Variants in ACSM2A observed in about 807,000 individuals in gnomAD.
The protein encoded by ACSM2A is acyl-CoA synthetase medium chain family member 2A.
A neutral mutation model predicts 76.6 loss-of-function variants in ACSM2A; 72 were observed. The observed-to-expected ratio is 0.94, with a 90% CI of 0.78 to 1.14. The LOEUF is 1.14. Among genes scored for constraint, ACSM2A ranks in the 50% most tolerant of loss-of-function variants. ACSM2A has a pLI of 0.00. For synonymous variants in ACSM2A, 249 were observed against 255.9 expected, an observed-to-expected ratio of 0.97 and a Z score of 0.26; for missense variants, 684 against 708.5, an observed-to-expected ratio of 0.97 and a Z score of 0.39.
intron 1 of ACSM2A, among the ~76,000 whole-genome samples, chr16:20,457,328 C>T (rs1279124228): frequency 6.6e-6 from 1 of 151,976 alleles, no homozygotes; most frequent in Non-Finnish European, 1.5e-5. Flanking sequence ...GCCAGTATTA[C>T]CCTCATACCC....
intron 6 of ACSM2A, 113 bp from the exon 7 acceptor site, chr16:20,475,249 G>A (rs2013663537): frequency 1.3e-6 from 2 of 1,576,476 alleles, no homozygotes; most frequent in South Asian, 2.3e-5. Flanking sequence ...AACAAGCTAG[G>A]GTTTTCATCC....
At chr16:20,458,330 T>C (rs112058378) in intron 1 of ACSM2A, among the ~76,000 whole-genome samples, 1 of 147,620 alleles carries the variant, frequency 6.8e-6, no homozygotes, top group Non-Finnish European at 1.5e-5. Context: ...TATATATCTA[T>C]ATATACTATA....
chr16:20,455,694 T>C (rs1404476817), intron 1 of ACSM2A, among the ~76,000 whole-genome samples: 1 of 147,986 alleles, frequency 6.8e-6, no homozygotes, highest in Non-Finnish European at 1.5e-5. Flanking sequence ...TAGAACCTTT[T>C]TAAAGCATAA....
In ACSM2A at chr16:20,483,097, T is replaced by A. The variant is rs1443993183; in HGVS notation, c.1549T>A (p.Ser517Thr). 4.3e-6 allele frequency: 7 copies of A among 1,613,916 alleles called. No homozygotes were observed. The South Asian group carries it at 7.7e-5, about 18-fold the overall frequency. The change falls in exon 13 of 14, where the codon TCC becomes ACC. Residue 517 changes from serine to threonine, a missense_variant. Physicochemically the swap from Ser to Thr is moderately conservative, Grantham distance 58. Transcript: ENST00000573854. Reference protein sequence around the residue: ...AFVVLASQFLSHDPEQLTKEL... With the variant: ...AFVVLASQFLTHDPEQLTKEL... ...TGTGGTCCTGGCCTCGCAGTTCCTG[T>A]CCCATGACCCAGAACAGCTCACCAA...
At chr16:20,482,960 A>C in intron 12 of ACSM2A, 98 bp from the exon 13 acceptor site, 1 of 1,543,300 alleles carries the variant, frequency 6.5e-7, no homozygotes, top group South Asian at 1.2e-5. Flanking sequence ...AAATGAGGAG[A>C]TACAAGGGTG....
Position 20,469,622 on chromosome 16 carries a change from G to A in ACSM2A, c.499G>A (p.Val167Met), listed in dbSNP as rs201018160. The change falls in exon 4 of 14, where the codon GTG (valine) becomes ATG (methionine). Residue 167 changes from valine to methionine, a missense_variant. By Grantham distance (21) the Val-to-Met change is conservative (BLOSUM62 1). Around this residue, in one of 3 missense-constraint regions of ACSM2A, gnomAD observed 519 missense variants for 549.5 expected, o/e 0.94. Coordinates refer to ENST00000573854, the MANE Select transcript of ACSM2A (RefSeq NM_001308172.2). ...TGCTGGGGATGAAGTCATCCAAGAAGTGGACACAGTGGCATCTGAATGTCC... is the reference window on the plus strand; with the variant it reads ...TGCTGGGGATGAAGTCATCCAAGAAATGGACACAGTGGCATCTGAATGTCC... The part of the protein sequence containing the change: ...IVAGDEVIQE[V>M]DTVASECPSL... 101 of 1,613,952 alleles carry A rather than the reference G, an allele frequency of 6.3e-5. 1 individual carries two copies. The South Asian group carries it at 7.8e-4, about 12-fold the overall frequency.
At chr16:20,476,197 A>T in intron 8 of ACSM2A, 2 of 1,003,272 alleles carry the variant, frequency 2.0e-6, no homozygotes, top group Non-Finnish European at 2.4e-6. Flanking sequence ...GACTGAAGTG[A>T]GGAATGGGAA....
At chr16:20,468,829 C>T (rs372745230) in intron 3 of ACSM2A, among the ~76,000 whole-genome samples, 13 of 150,696 alleles carry the variant, frequency 8.6e-5, no homozygotes, top group South Asian at 8.5e-4. Flanking sequence ...CTAAACACAG[C>T]TAATAATTCA....
At chr16:20,479,375 T>C (rs2013955690) in intron 10 of ACSM2A, among the ~76,000 whole-genome samples, 3 of 152,224 alleles carry the variant, frequency 2.0e-5, no homozygotes, top group Admixed American at 2.0e-4. Flanking sequence ...ATTTAATCTT[T>C]AAACTTTAAA....
chr16:20,471,745 C>G (rs965963742), intron 6 of ACSM2A, 56 bp downstream of exon 6: 1 of 1,566,202 alleles, frequency 6.4e-7, no homozygotes, highest in African/African-American at 1.4e-5. Flanking sequence ...GGTTTGCACA[C>G]TTCAATTTAT....
intron 2 of ACSM2A, among the ~76,000 whole-genome samples, chr16:20,464,489 G>T (rs530243832): frequency 6.6e-6 from 1 of 152,188 alleles, no homozygotes; most frequent in Admixed American, 6.5e-5. Context: ...TGAAGAAAGA[G>T]CAGGCACAAT....
chr16:20,464,804 G>T (rs763042031), intron 2 of ACSM2A, among the ~76,000 whole-genome samples: 2 of 152,166 alleles, frequency 1.3e-5, no homozygotes, highest in Non-Finnish European at 2.9e-5. Flanking sequence ...ACGGGTGATT[G>T]TGTAACGGGG....
At chr16:20,464,643 A>C (rs1182962692) in intron 2 of ACSM2A, among the ~76,000 whole-genome samples, 1 of 152,122 alleles carries the variant, frequency 6.6e-6, no homozygotes, top group African/African-American at 2.4e-5. Context: ...ATCACCTCCC[A>C]CCAAGCCCCA....
At chr16:20,457,768 C>T (rs1275053266) in intron 1 of ACSM2A, among the ~76,000 whole-genome samples, 1 of 152,000 alleles carries the variant, frequency 6.6e-6, no homozygotes, top group African/African-American at 2.4e-5. Flanking sequence ...GACATGAATG[C>T]TTACTCTCAC....
chr16:20,470,904 C>A, intron 4 of ACSM2A, 169 bp from the exon 5 acceptor site: 1 of 1,067,508 alleles, frequency 9.4e-7, no homozygotes, highest in Non-Finnish European at 1.4e-6. Context: ...TCAAACCCAA[C>A]TCTGATTGAC....
chr16:20,464,448 G>A (rs529898428), intron 2 of ACSM2A, among the ~76,000 whole-genome samples: 1 of 152,114 alleles, frequency 6.6e-6, no homozygotes, highest in Non-Finnish European at 1.5e-5. Flanking sequence ...TCTGATGAGG[G>A]CCTCAAGAAA....
chr16:20,480,381 T>C (rs1011185604), intron 10 of ACSM2A, among the ~76,000 whole-genome samples, 192 bp from the exon 11 acceptor site: 2 of 152,204 alleles, frequency 1.3e-5, no homozygotes, highest in African/African-American at 4.8e-5. Context: ...GTGGAATAAC[T>C]TCAATAAATG....
intron 3 of ACSM2A, among the ~76,000 whole-genome samples, chr16:20,467,913 T>C (rs2013112655): frequency 6.6e-6 from 1 of 151,978 alleles, no homozygotes. Flanking sequence ...AAACTGCCCT[T>C]TCCACCTCTG....
Position 20,471,107 on chromosome 16 carries a change from G to A in ACSM2A, c.631G>A (p.Gly211Arg), listed in dbSNP as rs148594174. Residue 211 changes from glycine (G) to arginine (R), a missense_variant, in exon 5 of 14, where the codon GGA (glycine) becomes AGA (arginine). Gly to Arg is a moderately radical substitution (Grantham distance 125). Around this residue, in one of 3 missense-constraint regions of ACSM2A, gnomAD observed 519 missense variants for 549.5 expected, o/e 0.94. Coordinates refer to ENST00000573854, the MANE Select transcript of ACSM2A (RefSeq NM_001308172.2). ...CACCACTCATCACTGTGTGGAGACT[G>A]GAAGCCAGGAAGCATCTGCCATCTA... ...ASTTHHCVET[G>R]SQEASAIYFT... 11 of 1,613,604 alleles carry A rather than the reference G, an allele frequency of 6.8e-6. No individual in the cohort carries two copies. The South Asian group carries it at 9.9e-5, about 15-fold the overall frequency.
Sources: gnomAD v4.1 joint callset for allele counts (sites outside exome capture counted in the v4.1 genomes callset) on GRCh38, gnomAD v4.1.1 for gene constraint, gnomAD v4.1.1 regional missense constraint, MANE v1.5 for transcripts, NCBI Gene and HGNC (gene_info 2026-07-23, HGNC 2026-07-21) for gene names.